The following THUMPD3 variants were observed in gnomAD, a reference collection of about 807,000 sequenced individuals.
THUMPD3 encodes the protein tRNA (guanine(6)-N(2))-methyltransferase THUMP3.
A neutral mutation model predicts 54.5 loss-of-function variants in THUMPD3; 44 were observed. That is an observed-to-expected ratio of 0.81 (90% CI 0.63 to 1.04). The LOEUF is 1.04. Ranked by LOEUF, THUMPD3 falls within the 50% of genes least tolerant of loss-of-function variation. The probability of loss-of-function intolerance (pLI) is 0.00; values close to 1 mark genes in which losing one functional copy is unlikely to be tolerated. For missense variants in THUMPD3, 604 were observed against 601.3 expected (o/e 1.00, Z -0.05); for synonymous variants, 196 against 201.4 (o/e 0.97, Z 0.23).
At chr3:9,384,087 G>A in intron 8 of THUMPD3, 125 bp from the exon 9 acceptor site, 2 of 1,137,590 alleles carry the variant, frequency 1.8e-6, no homozygotes, top group Non-Finnish European at 2.5e-6. Context: ...TAATGGCAAA[G>A]GTCTGGTTTC....
intron 3 of THUMPD3, among the ~76,000 whole-genome samples, chr3:9,370,715 G>A (rs1194792879): frequency 6.6e-6 from 1 of 152,108 alleles, no homozygotes; most frequent in East Asian, 1.9e-4. Context: ...TAAAGTGCTG[G>A]GATTACAGGC....
intron 7 of THUMPD3, chr3:9,382,927 A>G: frequency 3.4e-6 from 1 of 298,076 alleles, no homozygotes; most frequent in Non-Finnish European, 6.5e-6. Flanking sequence ...ACAAGGTCTC[A>G]CAGTGTTGCT....
chr3:9,380,232 A>G (rs545123354), intron 6 of THUMPD3, among the ~76,000 whole-genome samples: 4 of 152,090 alleles, frequency 2.6e-5, no homozygotes, highest in Non-Finnish European at 5.9e-5. Context: ...CGTACATACA[A>G]AGTGTTTTTG....
chr3:9,376,404 A>C (rs1282191553), intron 5 of THUMPD3, among the ~76,000 whole-genome samples: 2 of 152,180 alleles, frequency 1.3e-5, no homozygotes, highest in African/African-American at 4.8e-5. Flanking sequence ...CAAACGACCA[A>C]CCCACACTGC....
intron 5 of THUMPD3, among the ~76,000 whole-genome samples, chr3:9,376,690 C>T (rs1559307451): frequency 1.3e-5 from 2 of 152,154 alleles, no homozygotes; most frequent in Admixed American, 6.5e-5. Context: ...AAGTCCCACA[C>T]CAGCACATGA....
intron 5 of THUMPD3, among the ~76,000 whole-genome samples, chr3:9,377,182 T>C (rs1012745617): frequency 6.6e-6 from 1 of 152,088 alleles, no homozygotes; most frequent in African/African-American, 2.4e-5. Flanking sequence ...AACAACACTG[T>C]TGTCAAAAAG....
intron 3 of THUMPD3, 83 bp from the exon 4 acceptor site, chr3:9,370,977 A>G: frequency 1.7e-6 from 2 of 1,195,368 alleles, no homozygotes; most frequent in Non-Finnish European, 2.3e-6. Context: ...CACGGATACC[A>G]ACTGTCCATA....
chr3:9,376,983 C>T (rs1283231895), intron 5 of THUMPD3, among the ~76,000 whole-genome samples: 1 of 152,136 alleles, frequency 6.6e-6, no homozygotes, highest in Admixed American at 6.5e-5. Context: ...ACTAAGTGCT[C>T]AAAGTAAAGC....
At chr3:9,382,340 C>T (rs1232774409) in intron 7 of THUMPD3, among the ~76,000 whole-genome samples, 1 of 152,000 alleles carries the variant, frequency 6.6e-6, no homozygotes, top group Non-Finnish European at 1.5e-5. Context: ...GTTGCTTTGC[C>T]TTAATGAGGA....
chr3:9,364,549 G>C (rs1227264099), intron 1 of THUMPD3, among the ~76,000 whole-genome samples: 1 of 151,984 alleles, frequency 6.6e-6, no homozygotes, highest in Non-Finnish European at 1.5e-5. Flanking sequence ...GTTTCACCAT[G>C]TGGGCCAGGC....
At chr3:9,363,467 G>T (rs2031079726) in intron 1 of THUMPD3, 1 of 152,182 alleles carries the variant, frequency 6.6e-6, no homozygotes, top group South Asian at 2.1e-4. Flanking sequence ...TTAACGGCGG[G>T]AACTGACGTA....
At chr3:9,363,174 T>A (rs182483174) in intron 1 of THUMPD3, 47 bp downstream of exon 1, 1 of 152,504 alleles carries the variant, frequency 6.6e-6, no homozygotes, top group Non-Finnish European at 1.5e-5. Context: ...CTTCTGGTGT[T>A]TCAGCTTGGG....
In THUMPD3 at chr3:9,383,294, T is replaced by A. The variant is rs755804335; in HGVS notation, c.1220T>A (p.Leu407Ter). ...TGSVDIIVTDLPFGKRMGSKK... is the reference protein window; with the variant it reads ...TGSVDIIVTD The stretch of plus-strand genomic sequence containing the variant: ...TCTGTGGATATTATTGTAACAGATT[T>A]GCCATTTGGAAAAAGGTGAGAAATA... Residue 407 changes from leucine to a stop codon, truncating the protein, a stop_gained, in exon 8 of 10, where the codon TTG becomes TAG. Coordinates refer to ENST00000452837, the MANE Select transcript of THUMPD3 (RefSeq NM_001114092.2). LOFTEE classifies it high-confidence loss of function. 6.2e-7 allele frequency: 1 copy of A among 1,613,136 alleles called. No homozygotes were observed.
chr3:9,368,650 C>T (rs546197814), intron 3 of THUMPD3, among the ~76,000 whole-genome samples: 80 of 152,220 alleles, frequency 5.3e-4, no homozygotes, highest in Non-Finnish European at 9.3e-4. Context: ...CGTAAGCCAC[C>T]GCGCCTGGCC....
At position 9,369,309 on chromosome 3, in the gene THUMPD3, CAAAAAA is replaced by C. The variant is rs779602979; in HGVS notation, c.331-1732_331-1727del. 2.8e-4 allele frequency among the ~76,000 whole-genome samples: 17 copies of C among 60,832 alleles called. No homozygotes were observed. In the East Asian group the frequency reaches 4.1e-3, roughly 15 times the overall value. The allele number at this position is 60,832 out of a possible 152,430, so 39.9% of individuals were successfully genotyped here. On this transcript the variant is annotated intron_variant, in intron 3 of 9. Coordinates refer to ENST00000452837, the MANE Select transcript of THUMPD3 (RefSeq NM_001114092.2). ...TGGGCAACAGAGCAAGACTCCGTCTCAAAAAAAAAAAAAAAAAAAAAAAAGAAAGAA... is the reference window on the plus strand; with the variant it reads ...TGGGCAACAGAGCAAGACTCCGTCTCAAAAAAAAAAAAAAAAAAGAAAGAA...
intron 1 of THUMPD3, among the ~76,000 whole-genome samples, chr3:9,364,586 A>G (rs548548728): frequency 1.8e-4 from 28 of 152,136 alleles, no homozygotes; most frequent in Admixed American, 1.0e-3. Flanking sequence ...ACCTCAGGCA[A>G]TCTGCCCGCC....
chr3:9,374,991 A>ACC (rs1242342055), intron 5 of THUMPD3, among the ~76,000 whole-genome samples: 1 of 152,036 alleles, frequency 6.6e-6, no homozygotes, highest in Non-Finnish European at 1.5e-5. Flanking sequence ...AATAGCTGGG[A>ACC]TTACAGGTGC....
intron 8 of THUMPD3, among the ~76,000 whole-genome samples, 189 bp from the exon 9 acceptor site, chr3:9,384,020 ATTT>A (rs979971112): frequency 1.3e-5 from 2 of 152,112 alleles, no homozygotes; most frequent in African/African-American, 4.8e-5. Context: ...TCTAAAAAAA[ATTT>A]TTTTGATTCA....
chr3:9,367,073 A>G, intron 3 of THUMPD3, 88 bp downstream of exon 3: 1 of 1,060,112 alleles, frequency 9.4e-7, no homozygotes, highest in South Asian at 1.4e-5. Context: ...AAAGTTTAGC[A>G]TTACTGTAGT....
Sources: gnomAD v4.1 joint callset for allele counts (sites outside exome capture counted in the v4.1 genomes callset) on GRCh38, gnomAD v4.1.1 for gene constraint, MANE v1.5 for transcripts, NCBI Gene and HGNC (gene_info 2026-07-23, HGNC 2026-07-21) for gene names.